WDR12: variants seen among roughly 807,000 people sequenced by gnomAD.
WDR12 encodes ribosome biogenesis protein WDR12.
A neutral mutation model predicts 64.3 loss-of-function variants in WDR12; 42 were observed. The observed-to-expected ratio is 0.65, with a 90% confidence interval of 0.51 to 0.84. The LOEUF (loss-of-function observed/expected upper bound fraction) is 0.84. Among genes scored for constraint, WDR12 ranks in the 40% least tolerant of loss-of-function variants. The pLI is 0.00. For missense variants in WDR12, 469 were observed against 494.6 expected (o/e 0.95, Z 0.49); for synonymous variants, 158 against 173.3 (o/e 0.91, Z 0.70).
rs1327724124 is a variant in WDR12, at chr2:202,903,730, AG to A, written c.137-2612del. On this transcript the variant is annotated intron_variant, in intron 2 of 12. Coordinates refer to ENST00000261015, the MANE Select transcript of WDR12 (RefSeq NM_018256.4). The stretch of plus-strand genomic sequence containing the variant: ...TTCTATATGCTAACAGCGAACAATC[AG>A]AAAAAGAAATCAAGAAAGTATTTCT... 4.6e-5 allele frequency among the ~76,000 whole-genome samples: 7 copies of A among 152,356 alleles called. No homozygotes were observed. In the South Asian group the frequency reaches 6.2e-4, roughly 14 times the overall value.
At chr2:202,897,212 C>T in intron 5 of WDR12, 88 bp downstream of exon 5, 2 of 808,832 alleles carry the variant, frequency 2.5e-6, no homozygotes, top group Non-Finnish European at 4.0e-6. Context: ...TACTTCCCAC[C>T]CACTCCCCAT....
At chr2:202,893,164 T>TA (rs774640293) in intron 7 of WDR12, among the ~76,000 whole-genome samples, 13 of 152,116 alleles carry the variant, frequency 8.5e-5, no homozygotes, top group Non-Finnish European at 1.3e-4. Context: ...TTTGAGTTTT[T>TA]AAAATCTTTG....
At chr2:202,908,728 T>G (rs1688508386) in intron 1 of WDR12, among the ~76,000 whole-genome samples, 2 of 152,186 alleles carry the variant, frequency 1.3e-5, no homozygotes, top group Admixed American at 6.5e-5. Flanking sequence ...TCAGATTTTA[T>G]TTAGTTAGAT....
In WDR12 at chr2:202,874,453, A is replaced by T. The variant is rs950248009; in HGVS notation, c.*6407T>A. 1.3e-5 allele frequency among the ~76,000 whole-genome samples: 2 copies of T among 152,190 alleles called. No individual in the cohort carries two copies. Among genetic ancestry groups the T allele is most frequent in the Non-Finnish European group, 2.9e-5 (2 of 68,028 alleles). ...CTCCACAAATGGGATCCAAACCTAGAGTCTTAGTTTCTTTAAAGACTAATG... is the reference window on the plus strand; with the variant it reads ...CTCCACAAATGGGATCCAAACCTAGTGTCTTAGTTTCTTTAAAGACTAATG... On this transcript the variant is annotated 3_prime_UTR_variant, in exon 13 of 13. Transcript: ENST00000261015.
intron 1 of WDR12, among the ~76,000 whole-genome samples, chr2:202,911,200 T>C (rs1024817731): frequency 3.3e-5 from 5 of 152,206 alleles, no homozygotes; most frequent in Non-Finnish European, 7.3e-5. Flanking sequence ...CCACTGTTCA[T>C]TTTTAAATTA....
chr2:202,884,668 TC>T (rs869307031), intron 8 of WDR12, 133 bp from the exon 9 acceptor site: 45 of 879,204 alleles, frequency 5.1e-5, no homozygotes, highest in Non-Finnish European at 6.4e-5. Context: ...ACTTATTTCT[TC>T]CTTTACAATG....
At chr2:202,887,428 C>A (rs932296077) in intron 8 of WDR12, among the ~76,000 whole-genome samples, 11 of 152,208 alleles carry the variant, frequency 7.2e-5, no homozygotes, top group Non-Finnish European at 1.6e-4. Flanking sequence ...GGCTGTTGGG[C>A]TGTAATTTGC....
chr2:202,882,920 G>T, intron 11 of WDR12, 137 bp from the exon 12 acceptor site: 2 of 641,472 alleles, frequency 3.1e-6, no homozygotes, highest in South Asian at 2.4e-5. Context: ...TTAAAATTCT[G>T]TTTATTTGAT....
At chr2:202,902,726 T>A (rs929639837) in intron 2 of WDR12, among the ~76,000 whole-genome samples, 8 of 152,220 alleles carry the variant, frequency 5.3e-5, no homozygotes, top group Non-Finnish European at 8.8e-5. Flanking sequence ...GGACTCGGAC[T>A]GGCCTCCTTG....
rs201022736 is a variant in WDR12 at position 202,902,951 on chromosome 2, C to T, written c.137-1832G>A. On this transcript the variant is annotated intron_variant, in intron 2 of 12. Coordinates refer to ENST00000261015, the MANE Select transcript of WDR12 (RefSeq NM_018256.4). Reference sequence around the variant, plus strand: ...TTAGCCAGCCGGGTGTGGTGGCACGCGCCTGTAATCCCAGCTACTCGGGAG... The same window carrying T: ...TTAGCCAGCCGGGTGTGGTGGCACGTGCCTGTAATCCCAGCTACTCGGGAG... 6.6e-5 allele frequency among the ~76,000 whole-genome samples: 10 copies of T among 152,126 alleles called. No individual in the cohort carries two copies. In the East Asian group the frequency reaches 9.7e-4, roughly 15 times the overall value.
intron 8 of WDR12, among the ~76,000 whole-genome samples, chr2:202,891,081 A>G (rs1017742383): frequency 1.3e-5 from 2 of 152,028 alleles, no homozygotes; most frequent in Admixed American, 6.6e-5. Flanking sequence ...TTTCCTACTC[A>G]GATATGTTCT....
chr2:202,911,305 T>C, intron 1 of WDR12, 131 bp downstream of exon 1: 3 of 862,242 alleles, frequency 3.5e-6, no homozygotes, highest in Non-Finnish European at 5.8e-6. Flanking sequence ...CGAAGCTGGT[T>C]AGAAAGCAGG....
rs373799214 is a variant in WDR12, at chr2:202,894,637, G to A, written c.610-11C>T. 4 of 1,603,406 alleles carry A rather than the reference G, an allele frequency of 2.5e-6. No individual in the cohort carries two copies. The highest frequency in any genetic ancestry group is 3.4e-6 in the Non-Finnish European group (4 of 1,174,636). ...GGAGCCACTGCAAAACTAAACAGAT[G>A]TATATGAAGGGAAAAGACATATGTA... On this transcript the variant is annotated splice_polypyrimidine_tract_variant and intron_variant, in intron 6 of 12. Coordinates refer to ENST00000261015, the MANE Select transcript of WDR12 (RefSeq NM_018256.4).
intron 1 of WDR12, among the ~76,000 whole-genome samples, chr2:202,908,519 C>T (rs983548985): frequency 1.3e-5 from 2 of 152,230 alleles, no homozygotes; most frequent in African/African-American, 2.4e-5. Flanking sequence ...GCAGTGTGGA[C>T]GAAACCAGAG....
Position 202,876,027 on chromosome 2 carries a change from C to T in WDR12, c.*4833G>A, listed in dbSNP as rs1171508914. On this transcript the variant is annotated 3_prime_UTR_variant, in exon 13 of 13. Transcript: ENST00000261015. ...CAAATCATTGGAACTGCTATTAGAA[C>T]AACCATTAGGTTTAATTCTGTAAAA... 6.6e-6 allele frequency: 1 copy of T among 152,134 alleles called. No individual in the cohort carries two copies. The highest frequency in any genetic ancestry group is 1.5e-5 in the Non-Finnish European group (1 of 68,058). 9.4% of individuals were successfully genotyped at this position (152,134 alleles called of 1,614,324 possible).
Position 202,892,722 on chromosome 2 carries a change from A to G in WDR12, c.656-20T>C, listed in dbSNP as rs776635291. The G allele has an allele frequency of 6.4e-7, 1 of 1,567,046 alleles. No individual in the cohort carries two copies. Among genetic ancestry groups the G allele is most frequent in the Non-Finnish European group, 8.8e-7 (1 of 1,139,684 alleles). On this transcript the variant is annotated intron_variant, in intron 7 of 12. Transcript: ENST00000261015. ...TAGGGACTGTGTCATAGAGAATTAG[A>G]TTTGACATTTTAAAAACAGTATTAA...
At chr2:202,896,028 A>G (rs779211874) in intron 6 of WDR12, 37 bp downstream of exon 6, 18 of 1,590,706 alleles carry the variant, frequency 1.1e-5, no homozygotes, top group Non-Finnish European at 1.4e-5. Context: ...CTCAAATTCA[A>G]ATTTAACAGA....
intron 2 of WDR12, among the ~76,000 whole-genome samples, chr2:202,902,634 A>G (rs1688368926): frequency 6.6e-6 from 1 of 151,970 alleles, no homozygotes. Context: ...GGATTCTTGG[A>G]CCAGTGGTTT....
chr2:202,899,533 T>G lies in WDR12; in HGVS notation c.336A>C (p.Glu112Asp), dbSNP rs762284328. 1.2e-5 allele frequency: 19 copies of G among 1,612,916 alleles called. No individual in the cohort carries two copies. The highest frequency in any genetic ancestry group is 1.7e-5 in the Admixed American group (1 of 59,906). The change falls in exon 4 of 13, where the codon GAA becomes GAC. Residue 112 changes from glutamate (E) to aspartate (D), a missense_variant and splice_region_variant. By Grantham distance (45) the Glu-to-Asp change is conservative (BLOSUM62 2). Transcript: ENST00000261015. ...DWISSIKGAE[E>D]WILTGSYDKT... ...GAAGGGCATTAATCTGGCAATACCA[T>G]TCCTCTGCCCCTTTAATTGAACTGA...
Sources: allele counts gnomAD v4.1 joint callset (sites outside exome capture counted in the v4.1 genomes callset), GRCh38; gene constraint gnomAD v4.1.1; transcripts MANE v1.5; gene names NCBI Gene and HGNC (gene_info 2026-07-23, HGNC 2026-07-21).